AMPH: variants seen among roughly 807,000 people sequenced by gnomAD.
The protein encoded by AMPH is amphiphysin, also known as amphiphysin (Stiff-Mann syndrome with breast cancer 128kD autoantigen).
Under a neutral mutation model 99.1 loss-of-function variants are expected in AMPH, and 49 were observed. The ratio of observed to expected loss-of-function variants is 0.49; its 90% CI spans 0.39 to 0.63. The LOEUF (loss-of-function observed/expected upper bound fraction) is 0.63. AMPH is among the 20% of genes least tolerant of loss of function. AMPH has a pLI of 0.00. For synonymous variants in AMPH, 314 were observed against 317.3 expected, an observed-to-expected ratio of 0.99 and a Z score of 0.11; for missense variants, 759 against 863.4, an observed-to-expected ratio of 0.88 and a Z score of 1.52.
intron 1 of AMPH, among the ~76,000 whole-genome samples, chr7:38,593,027 G>A (rs1481571356): frequency 6.6e-6 from 1 of 152,156 alleles, no homozygotes; most frequent in Admixed American, 6.5e-5. Context: ...TGATCCAATT[G>A]TAATTGAAAT....
chr7:38,454,650 A>G (rs977191853), intron 11 of AMPH, among the ~76,000 whole-genome samples: 2 of 152,222 alleles, frequency 1.3e-5, no homozygotes, highest in African/African-American at 4.8e-5. Context: ...TCATTTGCCA[A>G]TTCATGTAAA....
At chr7:38,485,897 A>T (rs1788471791) in intron 5 of AMPH, among the ~76,000 whole-genome samples, 1 of 151,968 alleles carries the variant, frequency 6.6e-6, no homozygotes, top group Non-Finnish European at 1.5e-5. Context: ...AAGATATCAA[A>T]ATGGATATTA....
At chr7:38,474,706 C>T (rs375825944) in intron 7 of AMPH, among the ~76,000 whole-genome samples, 7 of 152,224 alleles carry the variant, frequency 4.6e-5, no homozygotes, top group Admixed American at 3.3e-4. Flanking sequence ...TCATAAGGTC[C>T]TATTTCATCC....
rs113215553 is a variant in AMPH, at chr7:38,393,988, C to T, written c.1608+17G>A. On this transcript the variant is annotated intron_variant, in intron 18 of 20. Transcript: ENST00000356264. ...TACTTCCCAGGAGCTCCCCTGGCTG[C>T]GACATGGGACACTCACCTGAGGCAC... The T allele has an allele frequency of 1.7e-4, 271 of 1,613,402 alleles. 1 individual carries two copies. The Middle Eastern group carries it at 1.8e-3, about 11-fold the overall frequency.
chr7:38,462,782 G>A (rs1025146630), intron 10 of AMPH, among the ~76,000 whole-genome samples, 193 bp downstream of exon 10: 1 of 152,190 alleles, frequency 6.6e-6, no homozygotes, highest in African/African-American at 2.4e-5. Context: ...TATAGGGCAT[G>A]TGAGGAAATA....
intron 1 of AMPH, among the ~76,000 whole-genome samples, chr7:38,605,959 T>C (rs573631455): frequency 1.3e-5 from 2 of 152,334 alleles, no homozygotes; most frequent in African/African-American, 4.8e-5. Context: ...ATCCCTCATA[T>C]GCATGACCTC....
At chr7:38,462,890 C>A in intron 10 of AMPH, 85 bp downstream of exon 10, 4 of 1,416,800 alleles carry the variant, frequency 2.8e-6, no homozygotes, top group Non-Finnish European at 3.8e-6. Flanking sequence ...TCTCTTAAAG[C>A]CCCGGCACCG....
intron 6 of AMPH, among the ~76,000 whole-genome samples, 159 bp from the exon 7 acceptor site, chr7:38,475,575 A>G (rs778464460): frequency 6.6e-6 from 1 of 152,226 alleles, no homozygotes. Flanking sequence ...TCAATTAAAC[A>G]TGAAACACTA....
At chr7:38,559,000 A>C (rs1368559183) in intron 1 of AMPH, among the ~76,000 whole-genome samples, 1 of 152,266 alleles carries the variant, frequency 6.6e-6, no homozygotes, top group Non-Finnish European at 1.5e-5. Context: ...GGAAATTTAT[A>C]TATAGATTCT....
chr7:38,533,882 C>T (rs777176581), intron 2 of AMPH, among the ~76,000 whole-genome samples: 4 of 152,168 alleles, frequency 2.6e-5, no homozygotes, highest in African/African-American at 4.8e-5. Flanking sequence ...TCCTATCTTC[C>T]CCTCCCCAGC....
chr7:38,625,616 G>GA lies in AMPH; in HGVS notation c.69+5666dup, dbSNP rs530575404. Among the ~76,000 whole-genome samples, 11 of 152,066 alleles carry GA rather than the reference G, an allele frequency of 7.2e-5. No homozygotes were observed. The South Asian group carries it at 2.1e-3, about 29-fold the overall frequency. On this transcript the variant is annotated intron_variant, in intron 1 of 20. Transcript: ENST00000356264. ...ATACATAGAAAACTAAACAGCAACA[G>GA]AAAAAAGACAAGCAACCCAAATAAA...
intron 17 of AMPH, among the ~76,000 whole-genome samples, chr7:38,403,211 G>T (rs889988949): frequency 6.6e-6 from 1 of 152,174 alleles, no homozygotes; most frequent in South Asian, 2.1e-4. Context: ...AAGCTGGGGT[G>T]TAGAAAAAGG....
chr7:38,624,534 CTA>C (rs1033236490), intron 1 of AMPH, among the ~76,000 whole-genome samples: 9 of 145,632 alleles, frequency 6.2e-5, no homozygotes, highest in African/African-American at 2.3e-4. Context: ...ATCCTGCTCA[CTA>C]CAGTCATGGT....
At chr7:38,431,916 A>G (rs1177716994) in intron 13 of AMPH, among the ~76,000 whole-genome samples, 1 of 152,118 alleles carries the variant, frequency 6.6e-6, no homozygotes, top group Non-Finnish European at 1.5e-5. Context: ...ACCAACCACC[A>G]CAGAAAGAAA....
intron 11 of AMPH, among the ~76,000 whole-genome samples, chr7:38,446,841 TG>T (rs1786804417): frequency 6.6e-6 from 1 of 152,182 alleles, no homozygotes; most frequent in African/African-American, 2.4e-5. Flanking sequence ...TAGTGGGAGA[TG>T]GGTTAAACCT....
At chr7:38,529,630 T>A (rs143793309) in intron 2 of AMPH, among the ~76,000 whole-genome samples, 2 of 152,354 alleles carry the variant, frequency 1.3e-5, no homozygotes, top group African/African-American at 2.4e-5. Context: ...GGATGCTGTG[T>A]AGGGCAACTG....
intron 2 of AMPH, among the ~76,000 whole-genome samples, chr7:38,516,171 A>G (rs1457604681): frequency 6.6e-6 from 1 of 152,250 alleles, no homozygotes; most frequent in Non-Finnish European, 1.5e-5. Context: ...AGAAATTTGC[A>G]TAAGTAAAAA....
intron 11 of AMPH, among the ~76,000 whole-genome samples, chr7:38,445,717 A>G (rs1170317248): frequency 6.9e-6 from 1 of 145,236 alleles, no homozygotes; most frequent in Admixed American, 6.7e-5. Flanking sequence ...ATCACTTACT[A>G]GAATAGCTAA....
At chr7:38,583,884 C>T (rs946028425) in intron 1 of AMPH, among the ~76,000 whole-genome samples, 1 of 152,176 alleles carries the variant, frequency 6.6e-6, no homozygotes, top group Middle Eastern at 3.2e-3. Flanking sequence ...AAAAATATCC[C>T]TAAAGAACCC....
Sources: allele counts gnomAD v4.1 joint callset (sites outside exome capture counted in the v4.1 genomes callset), GRCh38; gene constraint gnomAD v4.1.1; transcripts MANE v1.5; gene names NCBI Gene and HGNC (gene_info 2026-07-23, HGNC 2026-07-21).